The following VPS13B variants were observed in gnomAD, a reference collection of about 807,000 sequenced individuals.
VPS13B encodes intermembrane lipid transfer protein VPS13B.
Under a neutral mutation model 426.4 loss-of-function variants are expected in VPS13B, and 285 were observed. The observed-to-expected ratio is 0.67, with a 90% CI of 0.61 to 0.74. The LOEUF is 0.74. VPS13B is among the 30% of genes least tolerant of loss of function. The pLI, the probability that VPS13B is intolerant of heterozygous loss-of-function variation, is 0.00. For missense variants in VPS13B, 4,537 were observed against 4,782.6 expected, an observed-to-expected ratio of 0.95 and a Z score of 1.51; for synonymous variants, 1,676 against 1,676.4, an observed-to-expected ratio of 1.00 and a Z score of 0.01.
intron 17 of VPS13B, among the ~76,000 whole-genome samples, chr8:99,251,584 A>T (rs28886569): frequency 0.83 from 126,319 of 152,118 alleles, 53,000 homozygotes; most frequent in African/African-American, 0.89. Context: ...TCTATTTTTA[A>T]TATTTTGATA....
chr8:99,220,499 A>T (rs1404033584), intron 17 of VPS13B, among the ~76,000 whole-genome samples: 2 of 152,228 alleles, frequency 1.3e-5, no homozygotes, highest in Non-Finnish European at 2.9e-5. Flanking sequence ...AATTTGTCAG[A>T]GTTGTTGTTA....
chr8:99,868,183 G>A (rs1204791152), intron 58 of VPS13B, 106 bp from the exon 59 acceptor site: 2 of 1,391,964 alleles, frequency 1.4e-6, no homozygotes, highest in Non-Finnish European at 2.0e-6. Context: ...TTATAATGAG[G>A]GTGGGGACTC....
intron 2 of VPS13B, among the ~76,000 whole-genome samples, chr8:99,026,231 CTTGT>C (rs1842129681): frequency 2.0e-5 from 3 of 152,020 alleles, no homozygotes; most frequent in Admixed American, 2.0e-4. Context: ...TTTAAAATTT[CTTGT>C]TTAATTTTTT....
chr8:99,056,511 C>T (rs1230989420), intron 3 of VPS13B, among the ~76,000 whole-genome samples: 2 of 152,138 alleles, frequency 1.3e-5, no homozygotes, highest in Non-Finnish European at 2.9e-5. Context: ...AATTTGGATG[C>T]CTTTTCTTCC....
At chr8:99,064,634 A>G (rs1019511302) in intron 3 of VPS13B, among the ~76,000 whole-genome samples, 7 of 152,342 alleles carry the variant, frequency 4.6e-5, no homozygotes, top group African/African-American at 1.4e-4. Flanking sequence ...GCTTTTGATT[A>G]GTGTACCTGA....
chr8:99,186,552 C>A (rs1474120005), intron 16 of VPS13B, among the ~76,000 whole-genome samples: 1 of 151,972 alleles, frequency 6.6e-6, no homozygotes, highest in Admixed American at 6.5e-5. Flanking sequence ...AAGAGAAAAA[C>A]CCCTCTTCAT....
intron 35 of VPS13B, among the ~76,000 whole-genome samples, chr8:99,669,837 C>T (rs1830634856): frequency 6.6e-6 from 1 of 151,930 alleles, no homozygotes; most frequent in Admixed American, 6.6e-5. Context: ...CAGTTTTCTC[C>T]TTATATTGTA....
At chr8:99,469,168 C>CTTTTT (rs35646881) in intron 24 of VPS13B, among the ~76,000 whole-genome samples, 2 of 127,784 alleles carry the variant, frequency 1.6e-5, no homozygotes, top group East Asian at 2.3e-4. Context: ...TCTTTCTTTC[C>CTTTTT]TTTTTTTTTT....
intron 16 of VPS13B, among the ~76,000 whole-genome samples, chr8:99,171,584 G>A (rs1027548747): frequency 6.6e-6 from 1 of 151,936 alleles, no homozygotes; most frequent in Non-Finnish European, 1.5e-5. Flanking sequence ...ACTGTCAAAT[G>A]TTACTTAAAA....
Position 99,192,887 on chromosome 8 carries a change from C to G in VPS13B, c.2345C>G (p.Ser782Cys), listed in dbSNP as rs1813682198. The G allele has an allele frequency of 6.2e-7, 1 of 1,613,050 alleles. No homozygotes were observed. The highest frequency in any genetic ancestry group is 1.1e-5 in the South Asian group (1 of 91,058). Residue 782 changes from serine (S) to cysteine (C), a missense_variant, in exon 17 of 62, where the codon TCT becomes TGT. By Grantham distance (112) the Ser-to-Cys change is moderately radical. Around this residue, in one of 2 missense-constraint regions of VPS13B, gnomAD observed 4,311 missense variants for 4,474.3 expected, o/e 0.96. Transcript: ENST00000357162. ...LKLPTCWTKRSQIAITEGIFE... is the reference protein window; with the variant it reads ...LKLPTCWTKRCQIAITEGIFE... Reference sequence around the variant, plus strand: ...GTTTTCTTGTGCAGGACCAAAAGATCTCAGATTGCTATAACTGAAGGTATA... The same window carrying G: ...GTTTTCTTGTGCAGGACCAAAAGATGTCAGATTGCTATAACTGAAGGTATA...
rs1825482777 is a variant in VPS13B, at chr8:99,571,682, CTA to C, written c.4950-3974_4950-3973del. The stretch of plus-strand genomic sequence containing the variant: ...ATACATCATATATTTTAGCACTCCC[CTA>C]TGAGAGCACATCAGATGTTATATGT... On this transcript the variant is annotated intron_variant, in intron 31 of 61. Transcript: ENST00000357162. Among the ~76,000 whole-genome samples, 3 of 152,200 alleles carry C rather than the reference CTA, an allele frequency of 2.0e-5. No individual in the cohort carries two copies. The South Asian group carries it at 6.2e-4, about 32-fold the overall frequency.
At chr8:99,243,362 A>G (rs1817036388) in intron 17 of VPS13B, among the ~76,000 whole-genome samples, 1 of 152,148 alleles carries the variant, frequency 6.6e-6, no homozygotes, top group African/African-American at 2.4e-5. Flanking sequence ...TCTACCAGAG[A>G]AAGGGAATAG....
intron 33 of VPS13B, among the ~76,000 whole-genome samples, chr8:99,616,330 C>A (rs149253706): frequency 3.3e-5 from 5 of 151,718 alleles, no homozygotes; most frequent in African/African-American, 4.8e-5. Flanking sequence ...AAAAATCTCA[C>A]GAGATAATGA....
intron 54 of VPS13B, among the ~76,000 whole-genome samples, chr8:99,843,445 A>G (rs1390621553): frequency 6.6e-6 from 1 of 152,070 alleles, no homozygotes; most frequent in Admixed American, 6.5e-5. Context: ...GGAAGCAGTC[A>G]CTCCATCACC....
intron 19 of VPS13B, among the ~76,000 whole-genome samples, chr8:99,301,226 T>G (rs1368366009): frequency 1.3e-5 from 2 of 151,854 alleles, no homozygotes; most frequent in South Asian, 2.1e-4. Flanking sequence ...AAAAAAAAAT[T>G]TTTTTTAACT....
chr8:99,535,219 A>T (rs192293304), intron 30 of VPS13B, among the ~76,000 whole-genome samples: 20 of 152,332 alleles, frequency 1.3e-4, no homozygotes, highest in Admixed American at 3.9e-4. Flanking sequence ...TACCAAAAAA[A>T]TCCTAATAAT....
chr8:99,558,837 CTT>C (rs1404872256), intron 31 of VPS13B, among the ~76,000 whole-genome samples: 1 of 152,144 alleles, frequency 6.6e-6, no homozygotes, highest in Non-Finnish European at 1.5e-5. Context: ...GGTTCCAAGT[CTT>C]TGCTATTGTG....
intron 19 of VPS13B, among the ~76,000 whole-genome samples, chr8:99,367,779 G>C (rs535619109): frequency 1.3e-5 from 2 of 152,206 alleles, no homozygotes; most frequent in East Asian, 3.9e-4. Flanking sequence ...TCAGTCTCCC[G>C]AGTAGCTGGG....
At chr8:99,374,533 C>G (rs1031746115) in intron 19 of VPS13B, among the ~76,000 whole-genome samples, 1 of 151,900 alleles carries the variant, frequency 6.6e-6, no homozygotes, top group African/African-American at 2.4e-5. Context: ...TTGATTGTTT[C>G]CTCTTTTTAT....
Sources: allele counts gnomAD v4.1 joint callset (sites outside exome capture counted in the v4.1 genomes callset), GRCh38; gene constraint gnomAD v4.1.1; regional missense constraint gnomAD v4.1.1; transcripts MANE v1.5; gene names NCBI Gene and HGNC (gene_info 2026-07-23, HGNC 2026-07-21).